The following CYREN variants were observed in gnomAD, a reference collection of about 807,000 sequenced individuals.
CYREN encodes cell cycle regulator of non-homologous end joining.
CYREN carries 7 observed loss-of-function variants against 9.7 expected under a neutral mutation model. The observed-to-expected ratio is 0.72, with a 90% CI of 0.41 to 1.36. The LOEUF (loss-of-function observed/expected upper bound fraction) is 1.36. Ranked by LOEUF, CYREN falls within the 40% of genes most tolerant of loss-of-function variation. The pLI is 0.01. For synonymous variants in CYREN, 76 were observed against 77.9 expected, an observed-to-expected ratio of 0.98 and a Z score of 0.13; for missense variants, 215 against 198.1, an observed-to-expected ratio of 1.09 and a Z score of -0.51.
chr7:135,115,693 C>G, intron 2 of CYREN: 1 of 1,176,896 alleles, frequency 8.5e-7, no homozygotes, highest in Non-Finnish European at 1.2e-6. Context: ...TATTATCCTA[C>G]GAAAAAAAAA....
chr7:135,157,861 C>A (rs147005441), intron 2 of CYREN, among the ~76,000 whole-genome samples: 1 of 152,126 alleles, frequency 6.6e-6, no homozygotes, highest in African/African-American at 2.4e-5. Context: ...TTAATTCAGA[C>A]TGGTTATGAA....
At chr7:135,123,480 T>C (rs1827429646) in intron 2 of CYREN, among the ~76,000 whole-genome samples, 1 of 152,132 alleles carries the variant, frequency 6.6e-6, no homozygotes, top group African/African-American at 2.4e-5. Flanking sequence ...TATGATATTA[T>C]CCAGGAGAAC....
chr7:135,162,049 C>A (rs1829954889), downstream of CYREN, among the ~76,000 whole-genome samples: 1 of 152,256 alleles, frequency 6.6e-6, no homozygotes, highest in South Asian at 2.1e-4. Flanking sequence ...AATCTTCATT[C>A]TCATTTTTGG....
At chr7:135,120,691 C>A (rs1214641710) in intron 2 of CYREN, among the ~76,000 whole-genome samples, 1 of 151,982 alleles carries the variant, frequency 6.6e-6, no homozygotes, top group East Asian at 1.9e-4. Context: ...TATGCAGTCA[C>A]AAGAAACTCA....
At chr7:135,167,891 T>C in intron 2 of CYREN, 84 bp from the exon 3 acceptor site, 1 of 1,594,226 alleles carries the variant, frequency 6.3e-7, no homozygotes, top group Non-Finnish European at 8.5e-7. Flanking sequence ...CAGGGCCTCT[T>C]CCCCCTGCCT....
intron 2 of CYREN, among the ~76,000 whole-genome samples, chr7:135,159,184 C>T (rs931730671): frequency 1.3e-5 from 2 of 152,216 alleles, no homozygotes; most frequent in African/African-American, 4.8e-5. Flanking sequence ...CTGGTTTATC[C>T]TAGCATTCTC....
intron 2 of CYREN, among the ~76,000 whole-genome samples, chr7:135,130,618 A>G (rs1181232422): frequency 6.6e-6 from 1 of 151,880 alleles, no homozygotes; most frequent in East Asian, 1.9e-4. Flanking sequence ...TTAATATAAT[A>G]TAATCATATT....
At chr7:135,150,793 T>C (rs767489860) in intron 2 of CYREN, among the ~76,000 whole-genome samples, 7 of 152,152 alleles carry the variant, frequency 4.6e-5, no homozygotes, top group Non-Finnish European at 7.3e-5. Context: ...GAGGCAGAGA[T>C]TGCAGTGAGC....
intron 2 of CYREN, among the ~76,000 whole-genome samples, chr7:135,133,011 AT>A (rs1828993668): frequency 6.6e-6 from 1 of 152,116 alleles, no homozygotes; most frequent in Non-Finnish European, 1.5e-5. Context: ...GAAAGATGTT[AT>A]TCTCTATGTA....
downstream of CYREN, chr7:135,164,551 G>T (rs144887157): frequency 3.9e-5 from 63 of 1,614,186 alleles, no homozygotes; most frequent in African/African-American, 7.9e-4. Context: ...TGGGAGGCTG[G>T]CAACCTCACT....
chr7:135,154,303 A>G (rs1829734349), intron 2 of CYREN, among the ~76,000 whole-genome samples: 1 of 152,170 alleles, frequency 6.6e-6, no homozygotes, highest in African/African-American at 2.4e-5. Context: ...CCCAAGAACT[A>G]ATATATGAAC....
chr7:135,110,923 G>A (rs1048875647), intron 2 of CYREN, among the ~76,000 whole-genome samples: 1 of 152,120 alleles, frequency 6.6e-6, no homozygotes, highest in African/African-American at 2.4e-5. Context: ...AGCCCTGCTG[G>A]AGAAAAATTA....
At chr7:135,160,969 T>C (rs1048840139), downstream of CYREN, among the ~76,000 whole-genome samples, 1 of 152,136 alleles carries the variant, frequency 6.6e-6, no homozygotes, top group Non-Finnish European at 1.5e-5. Flanking sequence ...CAGATGGGAA[T>C]GTATTCATAC....
intron 2 of CYREN, among the ~76,000 whole-genome samples, chr7:135,106,263 T>C (rs1236759856): frequency 6.6e-6 from 1 of 152,178 alleles, no homozygotes; most frequent in Non-Finnish European, 1.5e-5. Flanking sequence ...TCCAATATTA[T>C]GTTGAATAGA....
At chr7:135,122,072 T>C (rs1827217678) in intron 2 of CYREN, among the ~76,000 whole-genome samples, 1 of 152,126 alleles carries the variant, frequency 6.6e-6, no homozygotes, top group Non-Finnish European at 1.5e-5. Flanking sequence ...GTCTAAGCCG[T>C]TTGAGTTCCT....
intron 2 of CYREN, among the ~76,000 whole-genome samples, chr7:135,116,731 C>A (rs1434150219): frequency 6.6e-6 from 1 of 152,184 alleles, no homozygotes; most frequent in Admixed American, 6.5e-5. Flanking sequence ...AGTGTAAGCC[C>A]CTCTGCCTCT....
chr7:135,096,903 G>T (rs1399508500), intron 2 of CYREN, among the ~76,000 whole-genome samples: 1 of 152,154 alleles, frequency 6.6e-6, no homozygotes, highest in East Asian at 1.9e-4. Flanking sequence ...ATGCAGAAAA[G>T]AATTTGGGAT....
chr7:135,112,319 T>C (rs1825759207), intron 2 of CYREN, among the ~76,000 whole-genome samples: 1 of 152,236 alleles, frequency 6.6e-6, no homozygotes. Context: ...AAATCTTCAA[T>C]GTCCCCCTGT....
intron 2 of CYREN, among the ~76,000 whole-genome samples, chr7:135,112,525 C>G (rs1416786762): frequency 6.6e-6 from 1 of 152,198 alleles, no homozygotes; most frequent in Non-Finnish European, 1.5e-5. Flanking sequence ...AGATGACTGT[C>G]CTTTTTTACT....
Sources: allele counts gnomAD v4.1 joint callset (sites outside exome capture counted in the v4.1 genomes callset), GRCh38; gene constraint gnomAD v4.1.1; transcripts MANE v1.5; gene names NCBI Gene and HGNC (gene_info 2026-07-23, HGNC 2026-07-21).